The following NRXN1 variants were observed in gnomAD, a reference collection of about 807,000 sequenced individuals.
NRXN1 encodes the protein neurexin 1.
A neutral mutation model predicts 150.9 loss-of-function variants in NRXN1; 39 were observed. The ratio of observed to expected loss-of-function variants is 0.26; its 90% confidence interval spans 0.20 to 0.34. The LOEUF (loss-of-function observed/expected upper bound fraction) is 0.34. NRXN1 is among the 10% of genes least tolerant of loss of function. NRXN1 has a pLI of 1.00. For missense variants in NRXN1, 1,815 were observed against 1,949.9 expected, an observed-to-expected ratio of 0.93 and a Z score of 1.30; for synonymous variants, 924 against 757.0, an observed-to-expected ratio of 1.22 and a Z score of -3.62.
intron 21 of NRXN1, among the ~76,000 whole-genome samples, chr2:49,984,718 AACACACAC>A (rs149322054): frequency 9.5e-5 from 14 of 146,842 alleles, no homozygotes; most frequent in Non-Finnish European, 1.5e-4. Context: ...AGAACACACA[AACACACAC>A]ACACACACAC....
intron 15 of NRXN1, among the ~76,000 whole-genome samples, chr2:50,494,996 A>T (rs956891274): frequency 6.7e-6 from 1 of 148,644 alleles, no homozygotes; most frequent in Non-Finnish European, 1.5e-5. Flanking sequence ...GTGCCACTGC[A>T]CTCCAGCCTG....
intron 5 of NRXN1, among the ~76,000 whole-genome samples, chr2:50,873,146 A>G (rs1678043301): frequency 6.6e-6 from 1 of 151,918 alleles, no homozygotes; most frequent in Admixed American, 6.6e-5. Flanking sequence ...TCTGTGCCTC[A>G]GTTTCTTTAT....
At chr2:50,525,147 G>T (rs140888199) in intron 12 of NRXN1, among the ~76,000 whole-genome samples, 325 of 152,170 alleles carry the variant, frequency 2.1e-3, no homozygotes, top group Non-Finnish European at 2.7e-3. Flanking sequence ...TATGGACCAG[G>T]CAAGAGACTG....
intron 18 of NRXN1, among the ~76,000 whole-genome samples, chr2:50,231,138 T>C (rs1240622182): frequency 2.0e-5 from 3 of 152,044 alleles, no homozygotes; most frequent in Non-Finnish European, 2.9e-5. Context: ...CAGGACTGAA[T>C]CTGAATACTA....
At chr2:50,500,069 T>C (rs1049005173) in intron 13 of NRXN1, among the ~76,000 whole-genome samples, 2 of 152,060 alleles carry the variant, frequency 1.3e-5, no homozygotes, top group East Asian at 1.9e-4. Flanking sequence ...GAAACTGTCA[T>C]GTTTCATCTT....
intron 12 of NRXN1, among the ~76,000 whole-genome samples, chr2:50,520,792 C>T (rs1291302320): frequency 1.3e-5 from 2 of 151,964 alleles, no homozygotes; most frequent in Non-Finnish European, 2.9e-5. Context: ...AATGGTCTAA[C>T]TCCATATTTA....
At chr2:50,516,685 A>C (rs547451382) in intron 12 of NRXN1, among the ~76,000 whole-genome samples, 17 of 152,210 alleles carry the variant, frequency 1.1e-4, no homozygotes, top group African/African-American at 4.1e-4. Flanking sequence ...TTCCTCCTCA[A>C]GTGCTCCTCA....
intron 18 of NRXN1, among the ~76,000 whole-genome samples, chr2:50,221,814 C>T (rs1050053127): frequency 1.3e-5 from 2 of 151,966 alleles, no homozygotes; most frequent in African/African-American, 4.8e-5. Flanking sequence ...TATAATCCAC[C>T]CTCTGAGCTC....
intron 12 of NRXN1, among the ~76,000 whole-genome samples, chr2:50,522,094 G>A (rs757629619): frequency 6.6e-6 from 1 of 152,068 alleles, no homozygotes; most frequent in Non-Finnish European, 1.5e-5. Flanking sequence ...AGTAAAGGAA[G>A]GAAGAGAAGA....
chr2:50,916,614 A>G (rs1287575203), intron 5 of NRXN1, among the ~76,000 whole-genome samples: 1 of 151,638 alleles, frequency 6.6e-6, no homozygotes, highest in Non-Finnish European at 1.5e-5. Flanking sequence ...TTTCAGTAAA[A>G]CGCATCTAAG....
chr2:50,249,156 TA>T (rs35936950), intron 17 of NRXN1, among the ~76,000 whole-genome samples: 60,416 of 142,516 alleles, frequency 0.42, 12,588 homozygotes, highest in Middle Eastern at 0.46. Flanking sequence ...GACCCTTTCT[TA>T]AAAAAAAAAA....
chr2:50,678,552 T>C (rs892622183), intron 5 of NRXN1, among the ~76,000 whole-genome samples: 2 of 152,180 alleles, frequency 1.3e-5, no homozygotes, highest in Non-Finnish European at 2.9e-5. Flanking sequence ...CTGACCAGCA[T>C]TGGAAAAACC....
At chr2:50,113,272 A>T (rs1702612138) in intron 18 of NRXN1, among the ~76,000 whole-genome samples, 1 of 152,162 alleles carries the variant, frequency 6.6e-6, no homozygotes, top group African/African-American at 2.4e-5. Context: ...GTATATCCTT[A>T]TTGCACATAA....
intron 15 of NRXN1, among the ~76,000 whole-genome samples, chr2:50,489,160 T>C (rs1402967581): frequency 6.6e-6 from 1 of 152,166 alleles, no homozygotes; most frequent in East Asian, 1.9e-4. Context: ...AAGAAAGCTA[T>C]TTCTCCCTGT....
At chr2:50,225,071 G>A (rs1407081603) in intron 18 of NRXN1, among the ~76,000 whole-genome samples, 3 of 151,948 alleles carry the variant, frequency 2.0e-5, no homozygotes, top group Non-Finnish European at 4.4e-5. Flanking sequence ...TTTCATGACA[G>A]GCCTCAGTCC....
intron 18 of NRXN1, among the ~76,000 whole-genome samples, chr2:50,115,137 T>C (rs1255831946): frequency 6.7e-6 from 1 of 149,392 alleles, no homozygotes; most frequent in Admixed American, 6.7e-5. Context: ...ATCTTTGTAA[T>C]TTCGCTCAAT....
rs201336451 is a variant in NRXN1 at position 50,738,628 on chromosome 2, C to T, written c.833-115013G>A. Reference sequence around the variant, plus strand: ...GATAATGGCAGCTTTTCTGAAATCTCCCACTTTTTTAAATTGGCAATCCGA... The same window carrying T: ...GATAATGGCAGCTTTTCTGAAATCTTCCACTTTTTTAAATTGGCAATCCGA... On this transcript the variant is annotated intron_variant, in intron 5 of 22. Coordinates refer to ENST00000401669, the MANE Select transcript of NRXN1 (RefSeq NM_001330078.2). Among the ~76,000 whole-genome samples the T allele has an allele frequency of 3.9e-5, 6 of 152,070 alleles. No individual in the cohort carries two copies. In the East Asian group the frequency reaches 1.2e-3, roughly 29 times the overall value.
intron 15 of NRXN1, among the ~76,000 whole-genome samples, chr2:50,479,071 A>G (rs2090229933): frequency 6.6e-6 from 1 of 152,178 alleles, no homozygotes; most frequent in Non-Finnish European, 1.5e-5. Flanking sequence ...GTATCATCTA[A>G]ATTAAGTCTA....
intron 5 of NRXN1, among the ~76,000 whole-genome samples, chr2:50,833,330 T>C (rs954433591): frequency 2.5e-4 from 38 of 152,204 alleles, no homozygotes; most frequent in African/African-American, 8.9e-4. Context: ...TACTTTTAGA[T>C]GTTTATCCAA....
Sources: allele counts gnomAD v4.1 joint callset (sites outside exome capture counted in the v4.1 genomes callset), GRCh38; gene constraint gnomAD v4.1.1; transcripts MANE v1.5; gene names NCBI Gene and HGNC (gene_info 2026-07-23, HGNC 2026-07-21).